The following ABLIM1 variants were observed in gnomAD, a reference collection of about 807,000 sequenced individuals.
The protein encoded by ABLIM1 is actin binding LIM protein 1.
A neutral mutation model predicts 107.0 loss-of-function variants in ABLIM1; 40 were observed. The observed-to-expected ratio is 0.37, with a 90% CI of 0.29 to 0.49. The LOEUF (loss-of-function observed/expected upper bound fraction) is 0.49, where lower values mean the gene tolerates loss of function less well. ABLIM1 is among the 20% of genes least tolerant of loss of function. ABLIM1 has a pLI of 0.97. For synonymous variants in ABLIM1, 357 were observed against 357.3 expected, an observed-to-expected ratio of 1.00 and a Z score of 0.01; for missense variants, 857 against 1,008.5, an observed-to-expected ratio of 0.85 and a Z score of 2.04.
intron 8 of ABLIM1, among the ~76,000 whole-genome samples, chr10:114,476,646 A>AAAT (rs141618382): frequency 0.073 from 10,395 of 143,206 alleles, 721 homozygotes; most frequent in African/African-American, 0.19. Context: ...CTCTGCCTCA[A>AAAT]AATAATAATA....
rs544740521 is a variant in ABLIM1, at chr10:114,639,579, T to A, written c.244+18378A>T. Among the ~76,000 whole-genome samples, 5 of 152,292 alleles carry A rather than the reference T, an allele frequency of 3.3e-5. No homozygotes were observed. In the South Asian group the frequency reaches 1.0e-3, roughly 32 times the overall value. Reference sequence around the variant, plus strand: ...GGGTTTCAGCAGTCTCAGCTGTGAATGGTATGAGACGTTCCACTTGTGAGG... The same window carrying A: ...GGGTTTCAGCAGTCTCAGCTGTGAAAGGTATGAGACGTTCCACTTGTGAGG... On this transcript the variant is annotated intron_variant, in intron 1 of 22. Transcript: ENST00000533213.
chr10:114,493,255 G>C (rs982665254), intron 6 of ABLIM1, among the ~76,000 whole-genome samples: 1 of 152,164 alleles, frequency 6.6e-6, no homozygotes, highest in Non-Finnish European at 1.5e-5. Flanking sequence ...GCTCAGCTAG[G>C]ATGCCAGTGC....
chr10:114,587,750 C>CT (rs1221127602), intron 2 of ABLIM1, among the ~76,000 whole-genome samples: 1 of 152,082 alleles, frequency 6.6e-6, no homozygotes, highest in Non-Finnish European at 1.5e-5. Flanking sequence ...CCTGGGAAGG[C>CT]TATTCAGTTT....
intron 1 of ABLIM1, among the ~76,000 whole-genome samples, chr10:114,743,407 G>A (rs7082625): frequency 0.045 from 6,859 of 152,254 alleles, 223 homozygotes; most frequent in African/African-American, 0.081. Flanking sequence ...GTACTTTTTG[G>A]AGTTCAAACT....
At chr10:114,587,114 C>T (rs1481302880) in intron 2 of ABLIM1, among the ~76,000 whole-genome samples, 1 of 152,204 alleles carries the variant, frequency 6.6e-6, no homozygotes, top group African/African-American at 2.4e-5. Flanking sequence ...AGATGGGATA[C>T]TTTTCCCAAG....
At chr10:114,783,481 TC>T in the ABLIM1 span, among the ~76,000 whole-genome samples, 1 of 152,004 alleles carries the variant, frequency 6.6e-6, no homozygotes, top group Non-Finnish European at 1.5e-5. Flanking sequence ...CCAAAATTGA[TC>T]CACATAGTGG....
chr10:114,612,033 A>G (rs1388404884), intron 1 of ABLIM1, among the ~76,000 whole-genome samples: 1 of 152,222 alleles, frequency 6.6e-6, no homozygotes, highest in Non-Finnish European at 1.5e-5. Flanking sequence ...AAAGGGGCCA[A>G]GAATACATGC....
intron 1 of ABLIM1, among the ~76,000 whole-genome samples, chr10:114,697,915 A>G (rs1419672907): frequency 6.6e-6 from 1 of 152,218 alleles, no homozygotes; most frequent in East Asian, 1.9e-4. Flanking sequence ...ATTATTGAAT[A>G]TACTGAAGAT....
Position 114,575,291 on chromosome 10 carries a change from A to T in ABLIM1, c.563+125T>A, listed in dbSNP as rs139722038. On this transcript the variant is annotated intron_variant, in intron 3 of 22. Transcript: ENST00000533213. ...ACTAGGACTGATAGTACAGTAAGAA[A>T]GAAATCTAAGGATAAGAGTATGTGC... 5.6e-3 allele frequency: 6,156 copies of T among 1,095,734 alleles called. 35 individuals are homozygous for T. Among genetic ancestry groups the T allele is most frequent in the Non-Finnish European group, 7.5e-3 (5,727 of 765,360 alleles). 67.9% of individuals were successfully genotyped at this position (1,095,734 alleles called of 1,614,324 possible).
intron 1 of ABLIM1, among the ~76,000 whole-genome samples, chr10:114,745,899 T>A (rs150923936): frequency 2.0e-5 from 3 of 152,246 alleles, no homozygotes; most frequent in East Asian, 3.9e-4. Flanking sequence ...ATCTCTATAA[T>A]GCAAGGAAGA....
intron 12 of ABLIM1, among the ~76,000 whole-genome samples, chr10:114,454,221 T>C (rs1413620291): frequency 1.3e-5 from 2 of 152,050 alleles, no homozygotes; most frequent in South Asian, 2.1e-4. Flanking sequence ...TGAGGACAAA[T>C]AGATGAATGA....
chr10:114,610,487 T>C (rs1336512968), intron 1 of ABLIM1: 7 of 152,220 alleles, frequency 4.6e-5, no homozygotes, highest in South Asian at 2.1e-4. Flanking sequence ...TCCTACTGAA[T>C]TGTAAACACA....
At position 114,767,144 on chromosome 10, in the gene ABLIM1, A is replaced by G. The variant is rs111398785; in HGVS notation, c.-213+917T>C. Among the ~76,000 whole-genome samples, 886 of 152,268 alleles carry G rather than the reference A, an allele frequency of 5.8e-3. 11 individuals are homozygous for G. Among genetic ancestry groups the G allele is most frequent in the African/African-American group, 0.02 (823 of 41,554 alleles). On this transcript the variant is annotated intron_variant, in intron 1 of 15. Coordinates refer to the ABLIM1 transcript ENST00000651092. ...GCTTAATTATCCAACACGTTATCAAATTCCTAAACTCCTTCCAAAAAGCAG... is the reference window on the plus strand; with the variant it reads ...GCTTAATTATCCAACACGTTATCAAGTTCCTAAACTCCTTCCAAAAAGCAG...
At chr10:114,669,211 C>G (rs1162246242) in intron 1 of ABLIM1, among the ~76,000 whole-genome samples, 1 of 150,590 alleles carries the variant, frequency 6.6e-6, no homozygotes, top group Non-Finnish European at 1.5e-5. Flanking sequence ...TTCCTAGCAT[C>G]CTCATTAAAG....
chr10:114,461,394 T>C (rs1365916195), intron 12 of ABLIM1, among the ~76,000 whole-genome samples: 1 of 30,370 alleles, frequency 3.3e-5, no homozygotes, highest in Non-Finnish European at 5.7e-5. Flanking sequence ...AACTGAAGGG[T>C]TTTTTTTTTT....
chr10:114,444,084 C>T lies in ABLIM1; in HGVS notation c.1878G>A (p.Glu626=). 2 of 1,612,368 alleles carry T rather than the reference C, an allele frequency of 1.2e-6. No homozygotes were observed. Among genetic ancestry groups the T allele is most frequent in the South Asian group, 2.2e-5 (2 of 90,938 alleles). Reference sequence around the variant, plus strand: ...CTAACAGAGATGACCTTTCCCGGCTCTCTTTCTCCATCTCTTCTTTCAAGA... The same window carrying T: ...CTAACAGAGATGACCTTTCCCGGCTTTCTTTCTCCATCTCTTCTTTCAAGA... ...QLILKEEMEK[E]SRERSSLLAS... The change falls in exon 17 of 23, where the codon GAG becomes GAA. Residue 626 remains glutamate, a synonymous_variant. Coordinates refer to ENST00000533213, the MANE Select transcript of ABLIM1 (RefSeq NM_002313.7).
chr10:114,518,276 C>G (rs1363643823), intron 6 of ABLIM1, among the ~76,000 whole-genome samples: 1 of 151,960 alleles, frequency 6.6e-6, no homozygotes, highest in Non-Finnish European at 1.5e-5. Context: ...CACTATAGAC[C>G]CAACTCTCAA....
At chr10:114,716,408 G>GAAAA (rs34924605) in intron 1 of ABLIM1, among the ~76,000 whole-genome samples, 6 of 111,052 alleles carry the variant, frequency 5.4e-5, no homozygotes, top group African/African-American at 2.4e-4. Context: ...TTGGTAGAGA[G>GAAAA]AAACACACAC....
chr10:114,640,905 T>A (rs1356894257), intron 1 of ABLIM1, among the ~76,000 whole-genome samples: 2 of 152,162 alleles, frequency 1.3e-5, no homozygotes, highest in African/African-American at 2.4e-5. Context: ...GGGTCCCACC[T>A]TTTCCTTTTG....
Sources: allele counts gnomAD v4.1 joint callset (sites outside exome capture counted in the v4.1 genomes callset), GRCh38; gene constraint gnomAD v4.1.1; transcripts MANE v1.5; gene names NCBI Gene and HGNC (gene_info 2026-07-23, HGNC 2026-07-21).